PRKAR1B: variants seen among roughly 807,000 people sequenced by gnomAD.
The protein encoded by PRKAR1B is protein kinase cAMP-dependent type I regulatory subunit beta, also known as cAMP-dependent protein kinase type I-beta regulatory subunit.
In PRKAR1B, 22 loss-of-function variants were observed where a neutral mutation model predicts 46.5. The ratio of observed to expected loss-of-function variants is 0.47; its 90% confidence interval spans 0.34 to 0.68. The LOEUF (loss-of-function observed/expected upper bound fraction) is 0.68. Ranked by LOEUF, PRKAR1B falls within the 30% of genes least tolerant of loss-of-function variation. The pLI, the probability that PRKAR1B is intolerant of heterozygous loss-of-function variation, is 0.01. For synonymous variants in PRKAR1B, 259 were observed against 217.7 expected (o/e 1.19, Z -1.67); for missense variants, 445 against 535.6 (o/e 0.83, Z 1.67).
chr7:727,309 A>T, upstream of PRKAR1B: 1 of 1,283,212 alleles, frequency 7.8e-7, no homozygotes, highest in Non-Finnish European at 9.8e-7. Context: ...GGCGCAGGCC[A>T]CGCCCGGTGA....
chr7:594,638 A>C (rs140114836), intron 7 of PRKAR1B, among the ~76,000 whole-genome samples: 1,891 of 152,230 alleles, frequency 0.012, 26 homozygotes, highest in East Asian at 0.032. Flanking sequence ...CCTCCAAACT[A>C]TGAAGGAACC....
At position 587,105 on chromosome 7, in the gene PRKAR1B, T is replaced by C. The variant is rs566100999; in HGVS notation, c.709-2537A>G. On this transcript the variant is annotated intron_variant, in intron 7 of 10. Coordinates refer to ENST00000537384, the MANE Select transcript of PRKAR1B (RefSeq NM_001164760.2). ...TTTCACTGTGTTAACCAGGAATTTA[T>C]CCCACCTTCTAAGCAACGTATGTAG... Among the ~76,000 whole-genome samples, 11 of 152,186 alleles carry C rather than the reference T, an allele frequency of 7.2e-5. No homozygotes were observed. In the East Asian group the frequency reaches 1.7e-3, roughly 24 times the overall value.
At chr7:572,194 G>A (rs1583223728) in intron 9 of PRKAR1B, among the ~76,000 whole-genome samples, 1 of 152,186 alleles carries the variant, frequency 6.6e-6, no homozygotes, top group East Asian at 1.9e-4. Context: ...GGGTGCGGTG[G>A]GTACCATAGC....
intron 9 of PRKAR1B, among the ~76,000 whole-genome samples, chr7:557,022 C>G (rs1367614504): frequency 6.6e-6 from 1 of 152,236 alleles, no homozygotes; most frequent in Non-Finnish European, 1.5e-5. Context: ...TCCTGAGCTG[C>G]AGAGAACCAG....
chr7:551,781 A>C lies in PRKAR1B; in HGVS notation c.892-311T>G, dbSNP rs113563401. 2.5e-3 allele frequency among the ~76,000 whole-genome samples: 270 copies of C among 107,932 alleles called. 1 individual carries two copies. The highest frequency in any genetic ancestry group is 7.9e-3 in the Middle Eastern group (1 of 126). 70.8% of individuals were successfully genotyped at this position (107,932 alleles called of 152,430 possible). A position where few individuals can be genotyped will look rare whatever the true frequency, so the allele number is the denominator to read the frequency against. On this transcript the variant is annotated intron_variant, in intron 9 of 10. Transcript: ENST00000537384. Reference sequence around the variant, plus strand: ...CCTCCCGCCCGGGTCCTTCCCTCGGAGCCACTGCCATCACCATGTCACCAC... The same window carrying C: ...CCTCCCGCCCGGGTCCTTCCCTCGGCGCCACTGCCATCACCATGTCACCAC...
intron 2 of PRKAR1B, among the ~76,000 whole-genome samples, chr7:686,259 C>T (rs1367957641): frequency 6.6e-6 from 1 of 151,650 alleles, no homozygotes; most frequent in Non-Finnish European, 1.5e-5. Flanking sequence ...CGAAATCGTA[C>T]CACTGCACTC....
chr7:701,193 AAAG>A (rs1424291883), intron 2 of PRKAR1B, among the ~76,000 whole-genome samples: 3 of 151,542 alleles, frequency 2.0e-5, no homozygotes, highest in East Asian at 3.9e-4. Flanking sequence ...GAAAAAAAGA[AAAG>A]AAAAGAAGGA....
At chr7:634,494 G>A (rs957805136) in intron 4 of PRKAR1B, among the ~76,000 whole-genome samples, 1 of 152,018 alleles carries the variant, frequency 6.6e-6, no homozygotes, top group African/African-American at 2.4e-5. Flanking sequence ...AAAAGAACTG[G>A]GACAGAGTTT....
intron 9 of PRKAR1B, among the ~76,000 whole-genome samples, chr7:569,702 C>A (rs1779388059): frequency 6.6e-6 from 1 of 152,190 alleles, no homozygotes; most frequent in African/African-American, 2.4e-5. Flanking sequence ...AGGGTCTGAG[C>A]AGAGCAGGGG....
At chr7:710,150 T>G (rs891239774) in intron 2 of PRKAR1B, among the ~76,000 whole-genome samples, 2 of 152,202 alleles carry the variant, frequency 1.3e-5, no homozygotes. Flanking sequence ...AGGAGGCCCC[T>G]GTCGAAAGCA....
chr7:639,155 T>C (rs1309419753), intron 4 of PRKAR1B, among the ~76,000 whole-genome samples: 2 of 152,106 alleles, frequency 1.3e-5, no homozygotes, highest in Non-Finnish European at 2.9e-5. Context: ...GAGACAGTTT[T>C]GAAAAGGAAC....
intron 9 of PRKAR1B, among the ~76,000 whole-genome samples, chr7:562,284 A>G (rs1778852466): frequency 2.2e-5 from 1 of 45,676 alleles, no homozygotes; most frequent in Non-Finnish European, 3.9e-5. Flanking sequence ...CTCCAGCCCC[A>G]GGCACCTCTC....
chr7:633,068 C>T (rs1783858019), intron 4 of PRKAR1B, among the ~76,000 whole-genome samples: 1 of 152,202 alleles, frequency 6.6e-6, no homozygotes, highest in African/African-American at 2.4e-5. Context: ...CGTGTGAATT[C>T]ATTCTCTGCT....
intron 8 of PRKAR1B, among the ~76,000 whole-genome samples, chr7:583,677 A>G (rs937144673): frequency 5.7e-5 from 5 of 87,618 alleles, no homozygotes; most frequent in Non-Finnish European, 9.2e-5. Context: ...CCCACACACA[A>G]CCCACACGGT....
At chr7:598,967 G>A (rs1369387394) in intron 6 of PRKAR1B, among the ~76,000 whole-genome samples, 1 of 152,252 alleles carries the variant, frequency 6.6e-6, no homozygotes. Flanking sequence ...CGGGACGGCC[G>A]CACCTCCCAG....
chr7:605,240 G>A (rs1781947221), intron 6 of PRKAR1B, among the ~76,000 whole-genome samples: 1 of 152,234 alleles, frequency 6.6e-6, no homozygotes, highest in Non-Finnish European at 1.5e-5. Flanking sequence ...GGTCCTTCCC[G>A]CTGACTCCGC....
chr7:587,850 C>G (rs1780687316), intron 7 of PRKAR1B, among the ~76,000 whole-genome samples: 1 of 152,200 alleles, frequency 6.6e-6, no homozygotes, highest in Admixed American at 6.5e-5. Flanking sequence ...GGGGGAAGGG[C>G]TGGAGGAAAG....
At chr7:617,259 CT>C (rs1211708611) in intron 4 of PRKAR1B, among the ~76,000 whole-genome samples, 2 of 149,540 alleles carry the variant, frequency 1.3e-5, no homozygotes, top group African/African-American at 5.0e-5. Context: ...TCCCAAAGTG[CT>C]GGGATTACAG....
intron 9 of PRKAR1B, among the ~76,000 whole-genome samples, chr7:571,250 C>CGA (rs1351814061): frequency 6.6e-6 from 1 of 152,162 alleles, no homozygotes; most frequent in Non-Finnish European, 1.5e-5. Context: ...CGGGTCTGTC[C>CGA]GAGACCCCAG....
Sources: allele counts gnomAD v4.1 joint callset (sites outside exome capture counted in the v4.1 genomes callset), GRCh38; gene constraint gnomAD v4.1.1; transcripts MANE v1.5; gene names NCBI Gene and HGNC (gene_info 2026-07-23, HGNC 2026-07-21).